PPP1R9A: variants seen among roughly 807,000 people sequenced by gnomAD.
PPP1R9A encodes neurabin-1.
Under a neutral mutation model 141.9 loss-of-function variants are expected in PPP1R9A, and 59 were observed. The ratio of observed to expected loss-of-function variants is 0.42; its 90% CI spans 0.34 to 0.52. The LOEUF is 0.52. PPP1R9A is among the 20% of genes least tolerant of loss of function. The pLI is 0.10. For missense variants in PPP1R9A, 1,444 were observed against 1,611.9 expected, an observed-to-expected ratio of 0.90 and a Z score of 1.78; for synonymous variants, 500 against 569.7, an observed-to-expected ratio of 0.88 and a Z score of 1.74.
chr7:95,063,970 T>C (rs1331418733), intron 2 of PPP1R9A, among the ~76,000 whole-genome samples: 6 of 152,234 alleles, frequency 3.9e-5, no homozygotes, highest in Admixed American at 2.6e-4. Flanking sequence ...ATAAATTTAC[T>C]ATAAAAATGG....
At chr7:95,229,635 A>G (rs1185833681) in intron 8 of PPP1R9A, among the ~76,000 whole-genome samples, 2 of 152,056 alleles carry the variant, frequency 1.3e-5, no homozygotes. Flanking sequence ...GGAGAGACTG[A>G]GCTAAGACAC....
chr7:95,273,027 A>G (rs1802454614), intron 14 of PPP1R9A, among the ~76,000 whole-genome samples: 1 of 152,188 alleles, frequency 6.6e-6, no homozygotes, highest in Non-Finnish European at 1.5e-5. Context: ...GTTTGGGTAG[A>G]GCCTGTCCGA....
chr7:95,037,951 A>T (rs1018254113), intron 2 of PPP1R9A, among the ~76,000 whole-genome samples: 48 of 20,136 alleles, frequency 2.4e-3, no homozygotes, highest in South Asian at 3.7e-3. Context: ...AAAATAATTT[A>T]AAAAAAAAAA....
chr7:95,009,163 A>AG, intron 2 of PPP1R9A, among the ~76,000 whole-genome samples: 1 of 151,044 alleles, frequency 6.6e-6, no homozygotes, highest in Non-Finnish European at 1.5e-5. Context: ...GGGTCGGGGA[A>AG]GGGGGGAGGG....
chr7:95,165,280 G>A (rs547456948), intron 5 of PPP1R9A, among the ~76,000 whole-genome samples: 6 of 152,282 alleles, frequency 3.9e-5, no homozygotes, highest in Non-Finnish European at 2.9e-5. Flanking sequence ...TTTAGGCTAG[G>A]TTATAAAAGG....
At chr7:94,984,227 G>T (rs751235413) in intron 2 of PPP1R9A, among the ~76,000 whole-genome samples, 6 of 152,212 alleles carry the variant, frequency 3.9e-5, no homozygotes, top group South Asian at 2.1e-4. Context: ...GCTGGATTCG[G>T]TTTGCCAATA....
At chr7:95,233,950 G>T (rs1279170496) in intron 8 of PPP1R9A, among the ~76,000 whole-genome samples, 1 of 152,170 alleles carries the variant, frequency 6.6e-6, no homozygotes, top group Admixed American at 6.5e-5. Context: ...CTCAATAGAT[G>T]CAGAAAAAAG....
intron 8 of PPP1R9A, among the ~76,000 whole-genome samples, chr7:95,236,097 T>G (rs944580060): frequency 1.2e-4 from 18 of 152,248 alleles, no homozygotes; most frequent in African/African-American, 4.3e-4. Flanking sequence ...AAAGAATTTT[T>G]TAATGTAACC....
At chr7:95,152,956 T>C (rs1433279021) in intron 4 of PPP1R9A, among the ~76,000 whole-genome samples, 1 of 151,584 alleles carries the variant, frequency 6.6e-6, no homozygotes, top group African/African-American at 2.4e-5. Flanking sequence ...TCAAACCGAT[T>C]CTCCTGCCTC....
chr7:94,944,414 G>A lies in PPP1R9A; in HGVS notation c.1395+32906G>A, dbSNP rs575705896. Among the ~76,000 whole-genome samples, 8 of 151,984 alleles carry A rather than the reference G, an allele frequency of 5.3e-5. No homozygotes were observed. The East Asian group carries it at 7.8e-4, about 15-fold the overall frequency. On this transcript the variant is annotated intron_variant, in intron 2 of 19. Coordinates refer to ENST00000433360, the MANE Select transcript of PPP1R9A (RefSeq NM_001166160.2). The stretch of plus-strand genomic sequence containing the variant: ...CTTACACACTCACTAAACATTTAGC[G>A]AAGTAGTTTGTGACTATAGTAGAAA...
intron 2 of PPP1R9A, among the ~76,000 whole-genome samples, chr7:94,966,949 CT>C (rs1382215540): frequency 6.6e-6 from 1 of 152,004 alleles, no homozygotes; most frequent in African/African-American, 2.4e-5. Flanking sequence ...TGGTCCTGGG[CT>C]TTTTTTCGTT....
At chr7:95,087,911 G>GAA (rs796943272) in intron 2 of PPP1R9A, among the ~76,000 whole-genome samples, 8 of 116,584 alleles carry the variant, frequency 6.9e-5, no homozygotes, top group African/African-American at 2.5e-4. Flanking sequence ...AAGAGAGAGA[G>GAA]AAAAAAAAAA....
At chr7:95,158,940 A>G (rs1830041212) in intron 4 of PPP1R9A, among the ~76,000 whole-genome samples, 1 of 152,204 alleles carries the variant, frequency 6.6e-6, no homozygotes, top group South Asian at 2.1e-4. Flanking sequence ...GGATCTGAGC[A>G]TACCAAGTAT....
intron 8 of PPP1R9A, among the ~76,000 whole-genome samples, chr7:95,227,946 G>A (rs542946963): frequency 3.9e-5 from 6 of 152,182 alleles, no homozygotes; most frequent in African/African-American, 1.4e-4. Flanking sequence ...TATCACCTGT[G>A]TGGCACTCTT....
intron 2 of PPP1R9A, among the ~76,000 whole-genome samples, chr7:95,056,891 A>G (rs1041863104): frequency 1.3e-5 from 2 of 152,180 alleles, no homozygotes; most frequent in African/African-American, 4.8e-5. Context: ...TCATTCTGCC[A>G]GACCAGTTTT....
intron 2 of PPP1R9A, among the ~76,000 whole-genome samples, chr7:94,986,946 T>C (rs1800927978): frequency 6.6e-6 from 1 of 152,166 alleles, no homozygotes; most frequent in Non-Finnish European, 1.5e-5. Flanking sequence ...AGCTGGCCAG[T>C]AGGGTTTGGG....
At chr7:95,235,002 T>C (rs538991865) in intron 8 of PPP1R9A, among the ~76,000 whole-genome samples, 21 of 152,214 alleles carry the variant, frequency 1.4e-4, no homozygotes, top group Non-Finnish European at 2.9e-4. Context: ...TCTCAACTTA[T>C]ACAAAAATCA....
At chr7:94,980,295 A>G (rs180900207) in intron 2 of PPP1R9A, among the ~76,000 whole-genome samples, 468 of 152,182 alleles carry the variant, frequency 3.1e-3, no homozygotes, top group African/African-American at 0.011. Context: ...CGTGGGCCAC[A>G]GGTTGGACAA....
At chr7:94,912,738 C>A (rs1791608749) in intron 2 of PPP1R9A, among the ~76,000 whole-genome samples, 1 of 152,126 alleles carries the variant, frequency 6.6e-6, no homozygotes, top group African/African-American at 2.4e-5. Flanking sequence ...GGCAGACTTT[C>A]ATTTTATTAG....
Sources: gnomAD v4.1 joint callset for allele counts (sites outside exome capture counted in the v4.1 genomes callset) on GRCh38, gnomAD v4.1.1 for gene constraint, MANE v1.5 for transcripts, NCBI Gene and HGNC (gene_info 2026-07-23, HGNC 2026-07-21) for gene names.